Variants in CYP1B1 observed in about 807,000 individuals in gnomAD.
The protein encoded by CYP1B1 is cytochrome P450 1B1.
A neutral mutation model predicts 29.9 loss-of-function variants in CYP1B1; 22 were observed. The ratio of observed to expected loss-of-function variants is 0.74; its 90% CI spans 0.53 to 1.05. CYP1B1 has a LOEUF of 1.05. Among genes scored for constraint, CYP1B1 ranks in the 50% least tolerant of loss-of-function variants. The probability of loss-of-function intolerance (pLI) is 0.00; values close to 1 mark genes in which losing one functional copy is unlikely to be tolerated. For missense variants in CYP1B1, 883 were observed against 746.9 expected (o/e 1.18, Z -2.12); for synonymous variants, 375 against 320.0 (o/e 1.17, Z -1.83).
rs796441270 is a variant in CYP1B1, at chr2:38,072,293, C to T, written c.1044-983G>A. On this transcript the variant is annotated intron_variant, in intron 2 of 2. Coordinates refer to ENST00000610745, the MANE Select transcript of CYP1B1 (RefSeq NM_000104.4). Reference sequence around the variant, plus strand: ...GCCCCAGCTACCTGCCAGACAGCGGCGGGAGAACTGCTTGAGCCCAGGAGT... The same window carrying T: ...GCCCCAGCTACCTGCCAGACAGCGGTGGGAGAACTGCTTGAGCCCAGGAGT... 1.1e-4 allele frequency among the ~76,000 whole-genome samples: 16 copies of T among 152,060 alleles called. No homozygotes were observed. In the South Asian group the frequency reaches 2.1e-3, roughly 20 times the overall value.
At position 38,070,887 on chromosome 2, in the gene CYP1B1, G is replaced by C; in HGVS notation, c.1467C>G (p.His489Gln). The change falls in exon 3 of 3, where the codon CAC becomes CAG. Residue 489 changes from histidine to glutamine, a missense_variant. Physicochemically the swap from His to Gln is conservative, Grantham distance 24 (BLOSUM62 0). Transcript: ENST00000610745. ...TTGGGTTGGCCCTGAAATCGCACTGGTGAGCCAGGATGGAGATGAAGAGAA... is the reference window on the plus strand; with the variant it reads ...TTGGGTTGGCCCTGAAATCGCACTGCTGAGCCAGGATGGAGATGAAGAGAA... ...QLFLFISILA[H>Q]QCDFRANPNE... 2 of 1,614,164 alleles carry C rather than the reference G, an allele frequency of 1.2e-6. No individual in the cohort carries two copies.
chr2:38,071,936 T>C (rs1384382174), intron 2 of CYP1B1, among the ~76,000 whole-genome samples: 1 of 152,236 alleles, frequency 6.6e-6, no homozygotes, highest in African/African-American at 2.4e-5. Context: ...GCTGTTCTCA[T>C]TTTATACAAA....
At position 38,075,200 on chromosome 2, in the gene CYP1B1, C is replaced by G; in HGVS notation, c.189G>C (p.Ala63=). ...GPFAWPLIGN[A]AAVGQAAHLS... is the part of the protein sequence containing the mutation. ...GGTGAGCCGCCTGGCCCACCGCCGC[C>G]GCGTTTCCGATCAGTGGCCACGCAA... The change falls in exon 2 of 3, where the codon GCG becomes GCC. Residue 63 remains alanine (A), a synonymous_variant. Transcript: ENST00000610745. The G allele has an allele frequency of 2.5e-6, 4 of 1,575,306 alleles. No homozygotes were observed. Among genetic ancestry groups the G allele is most frequent in the Non-Finnish European group, 3.4e-6 (4 of 1,167,458 alleles).
intron 1 of CYP1B1, 144 bp from the exon 2 acceptor site, chr2:38,075,533 C>G (rs1298073065): frequency 1.3e-6 from 1 of 794,498 alleles, no homozygotes; most frequent in African/African-American, 1.7e-5. Context: ...GCCGAAGACG[C>G]CCCTTCCCAT....
chr2:38,068,662 A>G lies in CYP1B1; in HGVS notation c.*2060T>C, dbSNP rs1682363538. On this transcript the variant is annotated 3_prime_UTR_variant, in exon 3 of 3. Coordinates refer to ENST00000610745, the MANE Select transcript of CYP1B1 (RefSeq NM_000104.4). ...ATACTGGCATGATTTTTTATATTCAAGAAGTACAGCTATGAAATTTTAAAA... is the reference window on the plus strand; with the variant it reads ...ATACTGGCATGATTTTTTATATTCAGGAAGTACAGCTATGAAATTTTAAAA... 2 of 225,688 alleles carry G rather than the reference A, an allele frequency of 8.9e-6. No homozygotes were observed. The highest frequency in any genetic ancestry group is 3.7e-4 in the South Asian group (2 of 5,464). The allele number at this position is 225,688 out of a possible 1,614,324, so 14.0% of individuals were successfully genotyped here.
intron 1 of CYP1B1, 147 bp from the exon 2 acceptor site, chr2:38,075,536 C>T (rs1462618853): frequency 2.6e-6 from 2 of 761,550 alleles, no homozygotes; most frequent in Non-Finnish European, 4.4e-6. Context: ...GAAGACGCCC[C>T]TTCCCATCCC....
Position 38,074,944 on chromosome 2 carries a change from G to A in CYP1B1, c.445C>T (p.His149Tyr), listed in dbSNP as rs1241509488. The A allele has an allele frequency of 6.4e-7, 1 of 1,566,842 alleles. No homozygotes were observed. The change falls in exon 2 of 3, where the codon CAC becomes TAC. Residue 149 changes from histidine (H) to tyrosine (Y), a missense_variant. By Grantham distance (83) the His-to-Tyr change is moderately conservative. Transcript: ENST00000610745. The stretch of plus-strand genomic sequence containing the variant: ...GTGAAGAAGTTGCGCATCATGCTGT[G>A]GGCTGCGCGCCGCTGCACCTTCCAG... Reference protein sequence around the residue: ...EHWKVQRRAAHSMMRNFFTRQ... With the variant: ...EHWKVQRRAAYSMMRNFFTRQ...
In CYP1B1 at chr2:38,070,589, G is replaced by A; in HGVS notation, c.*133C>T. ...GGGTATGGAGCACACCTCACCTGAT[G>A]GACAGTTGATTTATGCTCACCTTAA... On this transcript the variant is annotated 3_prime_UTR_variant, in exon 3 of 3. Coordinates refer to ENST00000610745, the MANE Select transcript of CYP1B1 (RefSeq NM_000104.4). 1.2e-6 allele frequency: 1 copy of A among 811,416 alleles called. No individual in the cohort carries two copies. Among genetic ancestry groups the A allele is most frequent in the Non-Finnish European group, 2.0e-6 (1 of 489,426 alleles). 50.3% of individuals were successfully genotyped at this position (811,416 alleles called of 1,614,324 possible).
chr2:38,075,090 T>C lies in CYP1B1; in HGVS notation c.299A>G (p.Glu100Gly). ...CACCAGGGCCTGGTGGATGGCGCGCTCGCCATTCAGCACCACTATGGGGCA... is the reference window on the plus strand; with the variant it reads ...CACCAGGGCCTGGTGGATGGCGCGCCCGCCATTCAGCACCACTATGGGGCA... The part of the protein sequence containing the change: ...GSCPIVVLNG[E>G]RAIHQALVQQ... Residue 100 changes from glutamate to glycine, a missense_variant, in exon 2 of 3, where the codon GAG (glutamate) becomes GGG (glycine). Transcript: ENST00000610745. The C allele has an allele frequency of 1.9e-6, 3 of 1,580,568 alleles. No homozygotes were observed. The highest frequency in any genetic ancestry group is 2.6e-6 in the Non-Finnish European group (3 of 1,171,064).
Position 38,071,042 on chromosome 2 carries a change from C to G in CYP1B1, c.1312G>C (p.Glu438Gln). ...AAGAATCGAGCTGGATCAAAGTTCT[C>G]CGGGTTAGGCCACTTCAGTGGGTCA... The part of the protein sequence containing the change: ...NHDPLKWPNP[E>Q]NFDPARFLDK... The change falls in exon 3 of 3, where the codon GAG becomes CAG. Residue 438 changes from glutamate (E) to glutamine (Q), a missense_variant. By Grantham distance (29) the Glu-to-Gln change is conservative. Coordinates refer to ENST00000610745, the MANE Select transcript of CYP1B1 (RefSeq NM_000104.4). 1 of 1,614,048 alleles carries G rather than the reference C, an allele frequency of 6.2e-7. No individual in the cohort carries two copies. Among genetic ancestry groups the G allele is most frequent in the Non-Finnish European group, 8.5e-7 (1 of 1,179,938 alleles).
rs781034244 is a variant in CYP1B1 at position 38,071,282 on chromosome 2, C to T, written c.1072G>A (p.Ala358Thr). The part of the protein sequence containing the change: ...RYPDVQTRVQ[A>T]ELDQVVGRDR... ...CTCCCCACGACCTGATCCAATTCTG[C>T]CTGCACTCGAGTCTGCACATCAGGA... is the stretch of plus-strand genomic sequence containing the variant. The change falls in exon 3 of 3, where the codon GCA (alanine) becomes ACA (threonine). Residue 358 changes from alanine to threonine, a missense_variant. Ala to Thr is a moderately conservative substitution (Grantham distance 58). Transcript: ENST00000610745. 2.2e-5 allele frequency: 35 copies of T among 1,612,282 alleles called. No homozygotes were observed. Among genetic ancestry groups the T allele is most frequent in the Non-Finnish European group, 2.9e-5 (34 of 1,179,472 alleles).
Position 38,071,046 on chromosome 2 carries a change from G to C in CYP1B1, c.1308C>G (p.Asn436Lys), listed in dbSNP as rs1282486760. 6.2e-7 allele frequency: 1 copy of C among 1,613,930 alleles called. No homozygotes were observed. The highest frequency in any genetic ancestry group is 1.3e-5 in the African/African-American group (1 of 74,912). The change falls in exon 3 of 3, where the codon AAC (asparagine) becomes AAG (lysine). Residue 436 changes from asparagine to lysine, a missense_variant. Coordinates refer to ENST00000610745, the MANE Select transcript of CYP1B1 (RefSeq NM_000104.4). ...ATCGAGCTGGATCAAAGTTCTCCGGGTTAGGCCACTTCAGTGGGTCATGAT... is the reference window on the plus strand; with the variant it reads ...ATCGAGCTGGATCAAAGTTCTCCGGCTTAGGCCACTTCAGTGGGTCATGAT... ...SVNHDPLKWP[N>K]PENFDPARFL...
rs541051487 is a variant in CYP1B1 at position 38,071,697 on chromosome 2, T to G, written c.1044-387A>C. ...GGGCCCATGAAAATATTTTTACGTCTTTTACAATCTTCAGACCTAAAAAAA... is the reference window on the plus strand; with the variant it reads ...GGGCCCATGAAAATATTTTTACGTCGTTTACAATCTTCAGACCTAAAAAAA... On this transcript the variant is annotated intron_variant, in intron 2 of 2. Transcript: ENST00000610745. Among the ~76,000 whole-genome samples the G allele has an allele frequency of 3.3e-5, 5 of 152,314 alleles. No individual in the cohort carries two copies. The East Asian group carries it at 9.6e-4, about 29-fold the overall frequency.
intron 2 of CYP1B1, chr2:38,074,047 C>G: frequency 1.9e-6 from 1 of 521,620 alleles, no homozygotes; most frequent in East Asian, 3.3e-5. Flanking sequence ...TTTAAAAACT[C>G]TTGTTTTTCC....
At position 38,070,219 on chromosome 2, in the gene CYP1B1, C is replaced by G. The variant is rs1212738418; in HGVS notation, c.*503G>C. On this transcript the variant is annotated 3_prime_UTR_variant, in exon 3 of 3. Coordinates refer to ENST00000610745, the MANE Select transcript of CYP1B1 (RefSeq NM_000104.4). ...TTCTGGTCTTTATCTTTTCCCTTAT[C>G]ACCTTCAATCACACACTTTACACTG... 1 of 228,256 alleles carries G rather than the reference C, an allele frequency of 4.4e-6. No individual in the cohort carries two copies. Among genetic ancestry groups the G allele is most frequent in the East Asian group, 6.5e-5 (1 of 15,410 alleles). 14.1% of individuals were successfully genotyped at this position (228,256 alleles called of 1,614,324 possible). A position where few individuals can be genotyped will look rare whatever the true frequency, so the allele number is the denominator to read the frequency against.
chr2:38,068,606 C>T lies in CYP1B1; in HGVS notation c.*2116G>A, dbSNP rs566186098. The T allele has an allele frequency of 4.4e-6, 1 of 227,916 alleles. No homozygotes were observed. Among genetic ancestry groups the T allele is most frequent in the Admixed American group, 5.7e-5 (1 of 17,570 alleles). The allele number at this position is 227,916 out of a possible 1,614,324, so 14.1% of individuals were successfully genotyped here. A position where few individuals can be genotyped will look rare whatever the true frequency, so the allele number is the denominator to read the frequency against. On this transcript the variant is annotated 3_prime_UTR_variant, in exon 3 of 3. Transcript: ENST00000610745. ...AATTTAAATGTACTGGGCAAGCCTG[C>T]TTTGTGTAGTTGACTCTAATGCCTT...
chr2:38,071,254 T>TC lies in CYP1B1; in HGVS notation c.1099dup (p.Asp367GlyfsTer8), dbSNP rs2125314883. ...CTGGTCACCCATACAAGGCAGACGGTCCCTCCCCACGACCTGATCCAATTC... is the reference window on the plus strand; with the variant it reads ...CTGGTCACCCATACAAGGCAGACGGTCCCCTCCCCACGACCTGATCCAATTC... On this transcript the variant is annotated frameshift_variant, in exon 3 of 3. Transcript: ENST00000610745. LOFTEE classifies it high-confidence loss of function. 6.8e-6 allele frequency: 11 copies of TC among 1,613,018 alleles called. No homozygotes were observed. Among genetic ancestry groups the TC allele is most frequent in the Non-Finnish European group, 8.5e-6 (10 of 1,180,014 alleles).
At position 38,075,247 on chromosome 2, in the gene CYP1B1, G is replaced by C. The variant is rs10012; in HGVS notation, c.142C>G (p.Arg48Gly). The stretch of plus-strand genomic sequence containing the variant: ...GCAAACGGGCCCGGGGGCGCGGACC[G>C]GAGCTGCCGCCTCCGTTGCCTCAGC... ...RLLRQRRRQL[R>G]SAPPGPFAWP... The change falls in exon 2 of 3, where the codon CGG (arginine) becomes GGG (glycine). Residue 48 changes from arginine to glycine, a missense_variant. Physicochemically the swap from Arg to Gly is moderately radical, Grantham distance 125 (BLOSUM62 -2). Coordinates refer to ENST00000610745, the MANE Select transcript of CYP1B1 (RefSeq NM_000104.4). 474,434 of 1,593,196 alleles carry C rather than the reference G, an allele frequency of 0.3. 74,187 individuals are homozygous for C. The highest frequency in any genetic ancestry group is 0.52 in the African/African-American group (38,983 of 74,878).
At chr2:38,071,552 C>T (rs1682433668) in intron 2 of CYP1B1, among the ~76,000 whole-genome samples, 1 of 152,246 alleles carries the variant, frequency 6.6e-6, no homozygotes, top group African/African-American at 2.4e-5. Flanking sequence ...TGCTGTCTTT[C>T]CCATTATAAG....
Sources: allele counts gnomAD v4.1 joint callset (sites outside exome capture counted in the v4.1 genomes callset), GRCh38; gene constraint gnomAD v4.1.1; transcripts MANE v1.5; gene names NCBI Gene and HGNC (gene_info 2026-07-23, HGNC 2026-07-21).